IL1RAP: variants seen among roughly 807,000 people sequenced by gnomAD.
IL1RAP encodes interleukin 1 receptor accessory protein.
In IL1RAP, 35 loss-of-function variants were observed where a neutral mutation model predicts 60.7. The ratio of observed to expected loss-of-function variants is 0.58; its 90% CI spans 0.44 to 0.76. The LOEUF is 0.76. Ranked by LOEUF, IL1RAP falls within the 30% of genes least tolerant of loss-of-function variation. The probability of loss-of-function intolerance (pLI) is 0.00; values close to 1 mark genes in which losing one functional copy is unlikely to be tolerated. For synonymous variants in IL1RAP, 268 were observed against 250.9 expected (o/e 1.07, Z -0.64); for missense variants, 572 against 693.9 (o/e 0.82, Z 1.97).
chr3:190,611,086 G>A (rs1730784967), intron 5 of IL1RAP, among the ~76,000 whole-genome samples: 1 of 152,128 alleles, frequency 6.6e-6, no homozygotes, highest in African/African-American at 2.4e-5. Flanking sequence ...GTAGAGAAGT[G>A]TGTTTTGTAA....
chr3:190,516,508 A>T (rs938817142), intron 1 of IL1RAP, among the ~76,000 whole-genome samples: 1 of 152,232 alleles, frequency 6.6e-6, no homozygotes, highest in South Asian at 2.1e-4. Flanking sequence ...ATATATGTAT[A>T]GAACTTTAAA....
intron 2 of IL1RAP, 57 bp from the exon 3 acceptor site, chr3:190,564,232 A>C (rs1422157311): frequency 4.7e-6 from 5 of 1,067,622 alleles, no homozygotes; most frequent in Non-Finnish European, 5.9e-6. Flanking sequence ...AGTTATTATT[A>C]TTTAAGCCCT....
At chr3:190,560,380 A>G (rs1725781945) in intron 2 of IL1RAP, among the ~76,000 whole-genome samples, 1 of 152,212 alleles carries the variant, frequency 6.6e-6, no homozygotes, top group African/African-American at 2.4e-5. Flanking sequence ...CAGGTCATAG[A>G]AAAGGGTGTC....
chr3:190,643,254 T>C (rs1399225310), intron 9 of IL1RAP, among the ~76,000 whole-genome samples: 1 of 152,158 alleles, frequency 6.6e-6, no homozygotes, highest in Non-Finnish European at 1.5e-5. Flanking sequence ...TATAAAAGCT[T>C]ATATAAAATA....
In IL1RAP at chr3:190,609,201, A is replaced by C. The variant is rs376216292; in HGVS notation, c.537+20A>C. The C allele has an allele frequency of 2.0e-6, 3 of 1,531,790 alleles. No individual in the cohort carries two copies. The highest frequency in any genetic ancestry group is 2.7e-6 in the Non-Finnish European group (3 of 1,118,232). 94.9% of individuals were successfully genotyped at this position (1,531,790 alleles called of 1,614,324 possible). On this transcript the variant is annotated intron_variant, in intron 5 of 11. Coordinates refer to ENST00000447382, the MANE Select transcript of IL1RAP (RefSeq NM_002182.4). ...TATATGGTAAGGAAAATTAGACTAC[A>C]TTTTATTCTCTCTAATGGCTTATAA... is the stretch of plus-strand genomic sequence containing the variant.
At chr3:190,646,382 T>C (rs1734017906) in intron 11 of IL1RAP, among the ~76,000 whole-genome samples, 1 of 152,204 alleles carries the variant, frequency 6.6e-6, no homozygotes. Context: ...CACTTTTCTT[T>C]TCAAGCAAAA....
intron 2 of IL1RAP, among the ~76,000 whole-genome samples, chr3:190,558,304 A>G (rs1173697957): frequency 6.6e-6 from 1 of 152,190 alleles, no homozygotes; most frequent in Non-Finnish European, 1.5e-5. Flanking sequence ...ACAAATATCC[A>G]AGAGTGAGAT....
intron 5 of IL1RAP, among the ~76,000 whole-genome samples, chr3:190,616,130 C>T (rs1731249919): frequency 6.6e-6 from 1 of 152,124 alleles, no homozygotes; most frequent in Non-Finnish European, 1.5e-5. Context: ...ATGACTTAAA[C>T]ACAAAGCCAA....
intron 7 of IL1RAP, 35 bp downstream of exon 7, chr3:190,623,450 T>G: frequency 7.0e-7 from 1 of 1,433,658 alleles, no homozygotes. Flanking sequence ...TTCACTTAGA[T>G]TCTCTTAATT....
At chr3:190,640,099 T>C (rs80012446) in intron 9 of IL1RAP, among the ~76,000 whole-genome samples, 9,409 of 152,314 alleles carry the variant, frequency 0.062, 482 homozygotes, top group African/African-American at 0.14. Context: ...TTCTCTTCTC[T>C]ATAAATGCAA....
chr3:190,589,413 T>C lies in IL1RAP; in HGVS notation c.65-14715T>C, dbSNP rs9855145. Among the ~76,000 whole-genome samples the C allele has an allele frequency of 3.4e-3, 517 of 152,262 alleles. 3 individuals are homozygous for C. Among genetic ancestry groups the C allele is most frequent in the African/African-American group, 0.011 (470 of 41,558 alleles). On this transcript the variant is annotated intron_variant, in intron 3 of 11. Coordinates refer to ENST00000447382, the MANE Select transcript of IL1RAP (RefSeq NM_002182.4). ...CTCTCAGAATCTTTTGTTTTCTGCT[T>C]GTCACTACCAGCCATCAAGAAAAAT... is the stretch of plus-strand genomic sequence containing the variant.
chr3:190,648,281 A>C lies in IL1RAP; in HGVS notation c.1346-57A>C. The stretch of plus-strand genomic sequence containing the variant: ...TCCCTACATTTGCTCCTCAAGCCTC[A>C]ATGCTTTTGGGGAGTTTTTGGCCAA... On this transcript the variant is annotated intron_variant, in intron 11 of 11. Transcript: ENST00000447382. 7 of 1,524,292 alleles carry C rather than the reference A, an allele frequency of 4.6e-6. No individual in the cohort carries two copies. The South Asian group carries it at 9.4e-5, about 20-fold the overall frequency. 94.4% of individuals were successfully genotyped at this position (1,524,292 alleles called of 1,614,324 possible).
exon 12 of IL1RAP, chr3:190,657,276 A>G (rs557795275): frequency 7.9e-5 from 12 of 152,342 alleles, no homozygotes; most frequent in Admixed American, 7.8e-4. Context: ...TCTGGAGAGT[A>G]TTCCATTTCA....
At chr3:190,565,317 A>G (rs1029654808) in intron 3 of IL1RAP, among the ~76,000 whole-genome samples, 1 of 152,186 alleles carries the variant, frequency 6.6e-6, no homozygotes, top group Non-Finnish European at 1.5e-5. Context: ...CATACTTTAC[A>G]TATCGTTGCT....
In IL1RAP at chr3:190,606,092, A is replaced by G. The variant is rs57203823; in HGVS notation, c.350+1679A>G. On this transcript the variant is annotated intron_variant, in intron 4 of 11. Coordinates refer to ENST00000447382, the MANE Select transcript of IL1RAP (RefSeq NM_002182.4). The stretch of plus-strand genomic sequence containing the variant: ...CACTGTGTTCTTGGGGGTTGCAGGT[A>G]AGGGGGATCCCTGTAGCCTCTGAAG... Among the ~76,000 whole-genome samples, 163 of 152,246 alleles carry G rather than the reference A, an allele frequency of 1.1e-3. No homozygotes were observed. In the East Asian group the frequency reaches 0.026, roughly 24 times the overall value.
At position 190,598,566 on chromosome 3, in the gene IL1RAP, C is replaced by G. The variant is rs1414727302; in HGVS notation, c.65-5562C>G. On this transcript the variant is annotated intron_variant, in intron 3 of 11. Coordinates refer to ENST00000447382, the MANE Select transcript of IL1RAP (RefSeq NM_002182.4). ...AATTAATTTGAAAGCAAATTATGCACAGATTTTTAAGGTCAATATATTAAA... is the reference window on the plus strand; with the variant it reads ...AATTAATTTGAAAGCAAATTATGCAGAGATTTTTAAGGTCAATATATTAAA... 2.6e-5 allele frequency among the ~76,000 whole-genome samples: 4 copies of G among 151,762 alleles called. 1 individual carries two copies. The highest frequency in any genetic ancestry group is 9.7e-5 in the African/African-American group (4 of 41,314).
intron 1 of IL1RAP, among the ~76,000 whole-genome samples, chr3:190,519,308 C>T (rs1019562344): frequency 1.3e-5 from 2 of 152,148 alleles, no homozygotes; most frequent in Non-Finnish European, 2.9e-5. Flanking sequence ...ATGTATTTTT[C>T]TGAACAAACA....
At chr3:190,645,677 G>A (rs377137958) in intron 10 of IL1RAP, 22 bp from the exon 11 acceptor site, 58 of 1,581,936 alleles carry the variant, frequency 3.7e-5, no homozygotes, top group Non-Finnish European at 4.8e-5. Flanking sequence ...AATTTACATT[G>A]TATCTGTGTT....
At chr3:190,525,804 T>A (rs1431395408) in intron 1 of IL1RAP, among the ~76,000 whole-genome samples, 1 of 152,196 alleles carries the variant, frequency 6.6e-6, no homozygotes. Flanking sequence ...CCAAATGCAT[T>A]AAGTAATGGA....
Sources: allele counts gnomAD v4.1 joint callset (sites outside exome capture counted in the v4.1 genomes callset), GRCh38; gene constraint gnomAD v4.1.1; transcripts MANE v1.5; gene names NCBI Gene and HGNC (gene_info 2026-07-23, HGNC 2026-07-21).